FSTL5: variants seen among roughly 807,000 people sequenced by gnomAD.
The protein encoded by FSTL5 is follistatin-related protein 5.
A neutral mutation model predicts 89.1 loss-of-function variants in FSTL5; 62 were observed. The observed-to-expected ratio is 0.70, with a 90% CI of 0.57 to 0.86. The LOEUF is 0.86. Among genes scored for constraint, FSTL5 ranks in the 40% least tolerant of loss-of-function variants. The pLI, the probability that FSTL5 is intolerant of heterozygous loss-of-function variation, is 0.00. For missense variants in FSTL5, 1,057 were observed against 1,001.6 expected (o/e 1.06, Z -0.75); for synonymous variants, 383 against 346.2 (o/e 1.11, Z -1.18).
chr4:161,853,270 T>C (rs1731614468), intron 4 of FSTL5, among the ~76,000 whole-genome samples: 1 of 152,272 alleles, frequency 6.6e-6, no homozygotes. Context: ...TTTGTTGTTG[T>C]TGTTGTTGTT....
intron 6 of FSTL5, among the ~76,000 whole-genome samples, chr4:161,737,760 TG>T (rs1739868058): frequency 6.6e-6 from 1 of 151,876 alleles, no homozygotes; most frequent in Non-Finnish European, 1.5e-5. Context: ...TAACTTCCAC[TG>T]TTGACCCCCA....
chr4:161,489,917 A>AT (rs35710795), intron 12 of FSTL5, among the ~76,000 whole-genome samples: 33,540 of 151,796 alleles, frequency 0.22, 3,979 homozygotes, highest in South Asian at 0.3. Flanking sequence ...AAAATGCAGA[A>AT]TTTTTTTTGT....
intron 7 of FSTL5, among the ~76,000 whole-genome samples, chr4:161,601,565 C>A (rs1450126337): frequency 3.3e-5 from 5 of 152,154 alleles, no homozygotes; most frequent in East Asian, 1.9e-4. Flanking sequence ...TTGTCTGGCA[C>A]CACCCATGCT....
intron 7 of FSTL5, among the ~76,000 whole-genome samples, chr4:161,655,133 G>A (rs895669312): frequency 6.6e-5 from 10 of 151,900 alleles, no homozygotes; most frequent in African/African-American, 2.4e-4. Context: ...ATTGTCTTTT[G>A]ATTTTTCACA....
chr4:161,813,689 T>C (rs1730236404), intron 4 of FSTL5, among the ~76,000 whole-genome samples: 1 of 152,184 alleles, frequency 6.6e-6, no homozygotes, highest in African/African-American at 2.4e-5. Context: ...CTTAGTTATT[T>C]TATCTAAATG....
At chr4:161,467,621 A>T (rs952319255) in intron 13 of FSTL5, among the ~76,000 whole-genome samples, 1 of 152,122 alleles carries the variant, frequency 6.6e-6, no homozygotes, top group Non-Finnish European at 1.5e-5. Context: ...AAGATGAATG[A>T]TTTTCAAGTA....
intron 6 of FSTL5, among the ~76,000 whole-genome samples, chr4:161,748,732 TA>T (rs981463479): frequency 6.6e-6 from 1 of 151,770 alleles, no homozygotes; most frequent in Non-Finnish European, 1.5e-5. Flanking sequence ...AAGATTATTT[TA>T]AAAATTAGAA....
intron 4 of FSTL5, among the ~76,000 whole-genome samples, chr4:161,915,479 T>C (rs902850204): frequency 6.6e-6 from 1 of 152,112 alleles, no homozygotes; most frequent in Non-Finnish European, 1.5e-5. Flanking sequence ...TATTTTATTA[T>C]ACATATATAA....
chr4:161,635,990 A>G (rs1388856171), intron 7 of FSTL5, among the ~76,000 whole-genome samples: 1 of 151,972 alleles, frequency 6.6e-6, no homozygotes, highest in East Asian at 1.9e-4. Context: ...TTTTCTGTTA[A>G]TTGTGTTTTT....
chr4:161,416,983 T>C (rs762428236), intron 15 of FSTL5, among the ~76,000 whole-genome samples: 4 of 152,170 alleles, frequency 2.6e-5, no homozygotes, highest in Admixed American at 6.5e-5. Flanking sequence ...TCTTTACATA[T>C]AGCTCACATT....
At chr4:161,676,922 AAT>A (rs1366712881) in intron 6 of FSTL5, among the ~76,000 whole-genome samples, 1 of 152,042 alleles carries the variant, frequency 6.6e-6, no homozygotes, top group East Asian at 1.9e-4. Flanking sequence ...AGACATTTAA[AAT>A]ACTTTTTAAT....
chr4:162,006,932 G>T (rs750041621), intron 3 of FSTL5, among the ~76,000 whole-genome samples: 12 of 151,836 alleles, frequency 7.9e-5, no homozygotes, highest in Non-Finnish European at 1.6e-4. Flanking sequence ...ATTTTGTTAA[G>T]TTAAAAAATA....
At chr4:161,538,614 A>G (rs1016392462) in intron 9 of FSTL5, among the ~76,000 whole-genome samples, 2 of 152,158 alleles carry the variant, frequency 1.3e-5, no homozygotes, top group Non-Finnish European at 2.9e-5. Flanking sequence ...ATTTACTTAT[A>G]ATATTCAGAA....
intron 4 of FSTL5, among the ~76,000 whole-genome samples, chr4:161,806,056 T>TA (rs1729955586): frequency 6.6e-6 from 1 of 152,048 alleles, no homozygotes; most frequent in Admixed American, 6.6e-5. Context: ...ACAGTACACA[T>TA]AGGGTTTCTG....
At chr4:161,752,314 C>T (rs1288605790) in intron 6 of FSTL5, among the ~76,000 whole-genome samples, 1 of 152,108 alleles carries the variant, frequency 6.6e-6, no homozygotes, top group Non-Finnish European at 1.5e-5. Context: ...ATGTTTCCAT[C>T]CCATTCCTTT....
At chr4:161,724,219 A>T (rs1487704730) in intron 6 of FSTL5, among the ~76,000 whole-genome samples, 1 of 152,160 alleles carries the variant, frequency 6.6e-6, no homozygotes, top group East Asian at 1.9e-4. Flanking sequence ...AAATGAAGAG[A>T]GGTGATACAT....
At chr4:161,449,592 T>C (rs1008002420) in intron 15 of FSTL5, among the ~76,000 whole-genome samples, 1 of 152,172 alleles carries the variant, frequency 6.6e-6, no homozygotes, top group Non-Finnish European at 1.5e-5. Flanking sequence ...CTAAGTGCCC[T>C]GTATGCCAAT....
At chr4:161,451,591 A>T (rs1733165333) in intron 15 of FSTL5, among the ~76,000 whole-genome samples, 1 of 152,210 alleles carries the variant, frequency 6.6e-6, no homozygotes, top group African/African-American at 2.4e-5. Flanking sequence ...GAAATGAAGT[A>T]AGTTGGTTAA....
chr4:161,569,418 C>A (rs1033968150), intron 8 of FSTL5, among the ~76,000 whole-genome samples: 2 of 151,934 alleles, frequency 1.3e-5, no homozygotes, highest in Non-Finnish European at 2.9e-5. Flanking sequence ...AACCATTACA[C>A]CAAGAAAAAA....
Sources: gnomAD v4.1 joint callset for allele counts (sites outside exome capture counted in the v4.1 genomes callset) on GRCh38, gnomAD v4.1.1 for gene constraint, MANE v1.5 for transcripts, NCBI Gene and HGNC (gene_info 2026-07-23, HGNC 2026-07-21) for gene names.